DHRS3: variants seen among roughly 807,000 people sequenced by gnomAD.
The protein encoded by DHRS3 is short-chain dehydrogenase/reductase 3.
DHRS3 carries 14 observed loss-of-function variants against 27.2 expected under a neutral mutation model. The observed-to-expected ratio is 0.52, with a 90% CI of 0.34 to 0.81. The LOEUF (loss-of-function observed/expected upper bound fraction) is 0.81. Among genes scored for constraint, DHRS3 ranks in the 30% least tolerant of loss-of-function variants. The pLI is 0.01. For missense variants in DHRS3, 322 were observed against 406.2 expected (o/e 0.79, Z 1.78); for synonymous variants, 165 against 175.9 (o/e 0.94, Z 0.49).
intron 2 of DHRS3, 31 bp downstream of exon 2, chr1:12,580,492 T>C: frequency 6.2e-7 from 1 of 1,614,114 alleles, no homozygotes; most frequent in South Asian, 1.1e-5. Flanking sequence ...TGGTCAGCTG[T>C]GCTAGGAATA....
chr1:12,614,575 A>C (rs1445808116), intron 1 of DHRS3, among the ~76,000 whole-genome samples: 1 of 151,502 alleles, frequency 6.6e-6, no homozygotes, highest in Non-Finnish European at 1.5e-5. Context: ...ACCACCACCC[A>C]CAAATATTGC....
intron 1 of DHRS3, among the ~76,000 whole-genome samples, chr1:12,583,595 A>ATCCG (rs1215039276): frequency 3.4e-5 from 2 of 59,580 alleles, no homozygotes; most frequent in African/African-American, 1.2e-4. Context: ...CTACTTATCC[A>ATCCG]TCCATCCATC....
At chr1:12,585,219 G>GTGTC (rs778645972) in intron 1 of DHRS3, among the ~76,000 whole-genome samples, 201 of 13,242 alleles carry the variant, frequency 0.015, 1 homozygote, top group Non-Finnish European at 0.02. Context: ...GTATCTCTGT[G>GTGTC]TGTGTGTGTC....
At chr1:12,601,835 C>T (rs867092679) in intron 1 of DHRS3, among the ~76,000 whole-genome samples, 24 of 152,312 alleles carry the variant, frequency 1.6e-4, no homozygotes, top group African/African-American at 4.8e-4. Context: ...ACGGTACCCA[C>T]GCTGGAAGGT....
chr1:12,612,736 C>T (rs941425771), intron 1 of DHRS3, among the ~76,000 whole-genome samples: 4 of 152,098 alleles, frequency 2.6e-5, no homozygotes, highest in Admixed American at 6.6e-5. Flanking sequence ...TTAGTGTGTG[C>T]CCTGAATCCA....
At chr1:12,584,890 T>C (rs1646678947) in intron 1 of DHRS3, among the ~76,000 whole-genome samples, 1 of 152,136 alleles carries the variant, frequency 6.6e-6, no homozygotes, top group Non-Finnish European at 1.5e-5. Context: ...TGTGTGTGTG[T>C]GTGTGTCTGT....
At chr1:12,600,048 T>C (rs917578997) in intron 1 of DHRS3, among the ~76,000 whole-genome samples, 1 of 152,172 alleles carries the variant, frequency 6.6e-6, no homozygotes, top group Non-Finnish European at 1.5e-5. Context: ...TACCAAGGCA[T>C]GTAGGCTCAG....
intron 1 of DHRS3, among the ~76,000 whole-genome samples, chr1:12,602,981 G>A (rs1646845599): frequency 6.6e-6 from 1 of 152,252 alleles, no homozygotes. Context: ...TGGGTGCTTT[G>A]GAGGCAGGGA....
At chr1:12,605,399 T>TA (rs1235536915) in intron 1 of DHRS3, among the ~76,000 whole-genome samples, 1 of 152,192 alleles carries the variant, frequency 6.6e-6, no homozygotes, top group African/African-American at 2.4e-5. Context: ...ACCATAGTCA[T>TA]GTACAATACC....
At chr1:12,599,092 G>A (rs1403873358) in intron 1 of DHRS3, among the ~76,000 whole-genome samples, 1 of 152,246 alleles carries the variant, frequency 6.6e-6, no homozygotes, top group Non-Finnish European at 1.5e-5. Flanking sequence ...TAAATTACTT[G>A]CAAGCTGTGC....
At chr1:12,599,800 C>A (rs113459735) in intron 1 of DHRS3, among the ~76,000 whole-genome samples, 38 of 152,328 alleles carry the variant, frequency 2.5e-4, no homozygotes, top group African/African-American at 8.2e-4. Context: ...GCCAGACTGC[C>A]TGGATTCGAA....
At position 12,608,152 on chromosome 1, in the gene DHRS3, C is replaced by T. The variant is rs372865716; in HGVS notation, c.195+9002G>A. Among the ~76,000 whole-genome samples, 39 of 152,208 alleles carry T rather than the reference C, an allele frequency of 2.6e-4. No homozygotes were observed. Among genetic ancestry groups the T allele is most frequent in the African/African-American group, 8.2e-4 (34 of 41,458 alleles). On this transcript the variant is annotated intron_variant, in intron 1 of 5. Transcript: ENST00000616661. The surrounding 1 kb of genome is among the most constrained non-coding windows in gnomAD (Gnocchi z 4.1). ...TCGGCCTCCCACAGTGCTGGGAATA[C>T]AGGAGTGAGCCACTGTGCCTGGCCT...
At position 12,616,658 on chromosome 1, in the gene DHRS3, A is replaced by T. The variant is rs72872621; in HGVS notation, c.195+496T>A. On this transcript the variant is annotated intron_variant, in intron 1 of 5. Coordinates refer to ENST00000616661, the MANE Select transcript of DHRS3 (RefSeq NM_004753.7). ...GACCGCTCTTCCCTTTTCAAACCCAAACCAAGTACCCTCTCTCGTGTCTTC... is the reference window on the plus strand; with the variant it reads ...GACCGCTCTTCCCTTTTCAAACCCATACCAAGTACCCTCTCTCGTGTCTTC... 5,050 of 994,048 alleles carry T rather than the reference A, an allele frequency of 5.1e-3. 222 individuals are homozygous for T. In the African/African-American group the frequency reaches 0.08, roughly 16 times the overall value. 61.6% of individuals were successfully genotyped at this position (994,048 alleles called of 1,614,324 possible).
rs1474149193 is a variant in DHRS3, at chr1:12,592,141, T to TCACCGA, written c.196-11476_196-11475insTCGGTG. ...GGCGGGGTGGGACTGTGACAAGCAC[T>TCACCGA]CACCGCCACCACAGTGAACAATCTG... On this transcript the variant is annotated intron_variant, in intron 1 of 5. Coordinates refer to ENST00000616661, the MANE Select transcript of DHRS3 (RefSeq NM_004753.7). This position sits in a 1 kb window ranked among gnomAD's most constrained non-coding sequence, Gnocchi z 4.2. 6.6e-6 allele frequency among the ~76,000 whole-genome samples: 1 copy of TCACCGA among 152,110 alleles called. No homozygotes were observed. Among genetic ancestry groups the TCACCGA allele is most frequent in the Non-Finnish European group, 1.5e-5 (1 of 68,004 alleles).
At position 12,568,273 on chromosome 1, in the gene DHRS3, C is replaced by T. The variant is rs573274216; in HGVS notation, c.*67G>A. On this transcript the variant is annotated 3_prime_UTR_variant, in exon 6 of 6. Coordinates refer to ENST00000616661, the MANE Select transcript of DHRS3 (RefSeq NM_004753.7). Reference sequence around the variant, plus strand: ...AGAAGCATGCCAATGGACAGGTGCTCGGGTGTGTGCCCAGGTGCTGTGGCC... The same window carrying T: ...AGAAGCATGCCAATGGACAGGTGCTTGGGTGTGTGCCCAGGTGCTGTGGCC... 4.1e-5 allele frequency: 58 copies of T among 1,420,792 alleles called. 1 individual carries two copies. The highest frequency in any genetic ancestry group is 4.0e-4 in the South Asian group (35 of 86,912). The allele number at this position is 1,420,792 out of a possible 1,614,324, so 88.0% of individuals were successfully genotyped here.
chr1:12,616,514 CA>C, intron 1 of DHRS3: 1 of 973,674 alleles, frequency 1.0e-6, no homozygotes, highest in South Asian at 4.8e-5. Flanking sequence ...GGGGAGGGGA[CA>C]GGGTTGAAGG....
rs1202622241 is a variant in DHRS3, at chr1:12,617,880, TG to T, written c.-533del. ...TCCAGAAAAAAAAAAAAAAAAAAAG[TG>T]GGGGGAAAAAGTGCTTGGAGCTCCC... is the stretch of plus-strand genomic sequence containing the variant. On this transcript the variant is annotated 5_prime_UTR_variant, in exon 1 of 6. Transcript: ENST00000616661. 9.0e-5 allele frequency: 1 copy of T among 11,098 alleles called. No homozygotes were observed. Among genetic ancestry groups the T allele is most frequent in the Non-Finnish European group, 1.7e-4 (1 of 5,778 alleles). 0.7% of individuals were successfully genotyped at this position (11,098 alleles called of 1,614,324 possible). A position where few individuals can be genotyped will look rare whatever the true frequency, so the allele number is the denominator to read the frequency against.
intron 1 of DHRS3, chr1:12,600,352 C>T (rs1646827070): frequency 8.1e-6 from 8 of 985,374 alleles, no homozygotes; most frequent in Non-Finnish European, 9.6e-6. Flanking sequence ...GTGCCCAGTC[C>T]ACACTGACCT....
chr1:12,592,355 G>C lies in DHRS3; in HGVS notation c.196-11689C>G, dbSNP rs1347119666. 6.6e-6 allele frequency among the ~76,000 whole-genome samples: 1 copy of C among 152,140 alleles called. No homozygotes were observed. Among genetic ancestry groups the C allele is most frequent in the Non-Finnish European group, 1.5e-5 (1 of 68,012 alleles). Reference sequence around the variant, plus strand: ...GGAATTGAGTAGCTGTAATTGAGTTGGGGATCTCAAAGTGAGATCACCCTG... The same window carrying C: ...GGAATTGAGTAGCTGTAATTGAGTTCGGGATCTCAAAGTGAGATCACCCTG... On this transcript the variant is annotated intron_variant, in intron 1 of 5. Transcript: ENST00000616661. The surrounding 1 kb of genome is among the most constrained non-coding windows in gnomAD (Gnocchi z 4.2).
Sources: gnomAD v4.1 joint callset for allele counts (sites outside exome capture counted in the v4.1 genomes callset) on GRCh38, gnomAD v4.1.1 for gene constraint, Gnocchi (gnomAD v3.1) non-coding constraint, MANE v1.5 for transcripts, NCBI Gene and HGNC (gene_info 2026-07-23, HGNC 2026-07-21) for gene names.